Variants in ROBO2 observed in about 807,000 individuals in gnomAD.
ROBO2 encodes roundabout homolog 2.
ROBO2 carries 53 observed loss-of-function variants against 160.8 expected under a neutral mutation model. That is an observed-to-expected ratio of 0.33 (90% CI 0.26 to 0.41). ROBO2 has a LOEUF of 0.41. Among genes scored for constraint, ROBO2 ranks in the 10% least tolerant of loss-of-function variants. The pLI is 1.00. For missense variants in ROBO2, 1,577 were observed against 1,722.4 expected, an observed-to-expected ratio of 0.92 and a Z score of 1.49; for synonymous variants, 664 against 611.7, an observed-to-expected ratio of 1.09 and a Z score of -1.26.
chr3:77,267,803 C>A (rs767411493), intron 2 of ROBO2, among the ~76,000 whole-genome samples: 6 of 152,044 alleles, frequency 3.9e-5, no homozygotes, highest in African/African-American at 1.4e-4. Flanking sequence ...CATTTGCCTC[C>A]GCTCTCTTCC....
intron 2 of ROBO2, among the ~76,000 whole-genome samples, chr3:77,417,162 A>T (rs2077302357): frequency 6.6e-6 from 1 of 152,108 alleles, no homozygotes; most frequent in African/African-American, 2.4e-5. Context: ...CTGCTAAAGG[A>T]CAAATTCATT....
intron 2 of ROBO2, among the ~76,000 whole-genome samples, chr3:76,240,300 G>T (rs1237522307): frequency 6.6e-6 from 1 of 151,886 alleles, no homozygotes; most frequent in East Asian, 2.0e-4. Flanking sequence ...CCCCCGACAG[G>T]CCCCAGTGTG....
intron 2 of ROBO2, among the ~76,000 whole-genome samples, chr3:76,328,515 A>G (rs926244927): frequency 1.3e-5 from 2 of 152,170 alleles, no homozygotes; most frequent in African/African-American, 2.4e-5. Context: ...TGACAAGATC[A>G]GGAGATCGAG....
At chr3:77,026,537 C>G (rs1161297433) in intron 2 of ROBO2, among the ~76,000 whole-genome samples, 1 of 152,164 alleles carries the variant, frequency 6.6e-6, no homozygotes, top group Non-Finnish European at 1.5e-5. Context: ...TTCACAGAGT[C>G]TGAAACCCAA....
At chr3:77,600,612 G>A (rs2094411483) in intron 19 of ROBO2, among the ~76,000 whole-genome samples, 1 of 152,200 alleles carries the variant, frequency 6.6e-6, no homozygotes. Flanking sequence ...TGGAGCTCAA[G>A]TTGGGGAATC....
chr3:77,631,996 C>A (rs765976829), intron 23 of ROBO2: 2 of 151,990 alleles, frequency 1.3e-5, no homozygotes, highest in African/African-American at 2.4e-5. Flanking sequence ...ATTTTAAAAT[C>A]TTGAAATAAT....
chr3:76,772,217 G>C (rs1401239303), intron 2 of ROBO2, among the ~76,000 whole-genome samples: 2 of 150,938 alleles, frequency 1.3e-5, no homozygotes, highest in Admixed American at 6.6e-5. Context: ...TATTTTTAAG[G>C]GTTTCTTGTA....
chr3:76,097,672 T>G (rs1263403210), intron 2 of ROBO2, among the ~76,000 whole-genome samples: 1 of 152,074 alleles, frequency 6.6e-6, no homozygotes, highest in East Asian at 1.9e-4. Context: ...GATGGGGACA[T>G]TTTAAAAAAT....
intron 2 of ROBO2, among the ~76,000 whole-genome samples, chr3:76,979,722 A>G (rs565777780): frequency 1.3e-5 from 2 of 150,142 alleles, no homozygotes; most frequent in African/African-American, 4.9e-5. Context: ...AGAGAAAAGT[A>G]ACATCTTCCA....
chr3:76,596,862 A>G (rs13093006), intron 2 of ROBO2, among the ~76,000 whole-genome samples: 40,096 of 152,016 alleles, frequency 0.26, 6,562 homozygotes, highest in East Asian at 0.42. Flanking sequence ...ATCTCTGTTA[A>G]TGGCTTGATA....
exon 26 of ROBO2, chr3:77,648,768 C>T (rs913081005): frequency 6.6e-6 from 1 of 152,094 alleles, no homozygotes; most frequent in African/African-American, 2.4e-5. Context: ...ATACAAATAC[C>T]TATGAGAGCC....
At chr3:77,538,126 A>AAAT (rs34718673) in intron 6 of ROBO2, among the ~76,000 whole-genome samples, 1 of 150,504 alleles carries the variant, frequency 6.6e-6, no homozygotes, top group African/African-American at 2.4e-5. Flanking sequence ...AACAAAAAAA[A>AAAT]TAGTTAATTA....
chr3:76,988,694 T>G (rs991150841), intron 2 of ROBO2, among the ~76,000 whole-genome samples: 1 of 152,160 alleles, frequency 6.6e-6, no homozygotes, highest in Non-Finnish European at 1.5e-5. Context: ...AGATTAATTT[T>G]CTTTGTTTCA....
intron 2 of ROBO2, among the ~76,000 whole-genome samples, chr3:76,385,999 A>T (rs1305935997): frequency 2.0e-5 from 3 of 152,298 alleles, no homozygotes; most frequent in East Asian, 3.9e-4. Flanking sequence ...TAATTTGATG[A>T]TTTAATGAAA....
chr3:77,212,709 G>A (rs575631758), intron 2 of ROBO2, among the ~76,000 whole-genome samples: 1 of 152,228 alleles, frequency 6.6e-6, no homozygotes, highest in Admixed American at 6.5e-5. Flanking sequence ...TTGGCTGTGG[G>A]TTTGTCATAA....
At chr3:76,552,563 CT>C (rs1470575875) in intron 2 of ROBO2, among the ~76,000 whole-genome samples, 2 of 152,286 alleles carry the variant, frequency 1.3e-5, no homozygotes, top group Admixed American at 1.3e-4. Flanking sequence ...TTAAACAACT[CT>C]TTTCTGCTTC....
chr3:76,853,247 CAA>C (rs1355303446), intron 2 of ROBO2, among the ~76,000 whole-genome samples: 3 of 151,894 alleles, frequency 2.0e-5, no homozygotes, highest in Non-Finnish European at 4.4e-5. Flanking sequence ...CGCCATGATA[CAA>C]AGTAACTAAA....
chr3:77,461,646 A>T (rs1211715293), intron 2 of ROBO2, among the ~76,000 whole-genome samples: 1 of 151,888 alleles, frequency 6.6e-6, no homozygotes, highest in Admixed American at 6.6e-5. Flanking sequence ...ATTTTTAAAA[A>T]AAATTTTCTT....
At chr3:76,632,016 T>C (rs1339551962) in intron 2 of ROBO2, among the ~76,000 whole-genome samples, 1 of 152,246 alleles carries the variant, frequency 6.6e-6, no homozygotes, top group East Asian at 1.9e-4. Context: ...AGTCTGTTTC[T>C]TCATGTATTA....
Sources: allele counts gnomAD v4.1 joint callset (sites outside exome capture counted in the v4.1 genomes callset), GRCh38; gene constraint gnomAD v4.1.1; transcripts MANE v1.5; gene names NCBI Gene and HGNC (gene_info 2026-07-23, HGNC 2026-07-21).